The following P2RY12 variants were observed in gnomAD, a reference collection of about 807,000 sequenced individuals.
The protein encoded by P2RY12 is P2Y purinoceptor 12.
Under a neutral mutation model 4.5 loss-of-function variants are expected in P2RY12, and 3 were observed. The ratio of observed to expected loss-of-function variants is 0.67; its 90% confidence interval spans 0.31 to 1.74. P2RY12 has a LOEUF of 1.74. P2RY12 is among the 40% of genes most tolerant of loss of function. The probability of loss-of-function intolerance (pLI) is 0.09; values close to 1 mark genes in which losing one functional copy is unlikely to be tolerated. For synonymous variants in P2RY12, 148 were observed against 154.1 expected (o/e 0.96, Z 0.29); for missense variants, 356 against 407.8 (o/e 0.87, Z 1.09).
In P2RY12 at chr3:151,376,778, T is replaced by G. The variant is rs762449006; in HGVS notation, c.-180+7914A>C. ...AACACATTTGATACCCATAATGTTT[T>G]AATTCTTTCCATTTTTCCCAGAATC... On this transcript the variant is annotated intron_variant, in intron 1 of 2. Coordinates refer to ENST00000302632, the MANE Select transcript of P2RY12 (RefSeq NM_022788.5). The G allele has an allele frequency of 1.9e-6, 3 of 1,602,488 alleles. No homozygotes were observed. In the South Asian group the frequency reaches 3.3e-5, roughly 18 times the overall value.
At chr3:151,341,385 G>C (rs1380665706) in intron 1 of P2RY12, among the ~76,000 whole-genome samples, 21 of 151,950 alleles carry the variant, frequency 1.4e-4, no homozygotes, top group Admixed American at 1.4e-3. Flanking sequence ...TTCTTGAATA[G>C]AATTTAAATA....
intron 1 of P2RY12, among the ~76,000 whole-genome samples, chr3:151,379,038 G>T (rs147447196): frequency 6.6e-6 from 1 of 152,350 alleles, no homozygotes; most frequent in African/African-American, 2.4e-5. Flanking sequence ...ATAAAGCCTG[G>T]GTTTAAATCC....
At chr3:151,373,744 C>T (rs1344022075) in intron 1 of P2RY12, among the ~76,000 whole-genome samples, 1 of 152,112 alleles carries the variant, frequency 6.6e-6, no homozygotes, top group African/African-American at 2.4e-5. Context: ...TTCATCCTAT[C>T]ACATCATTTG....
At chr3:151,349,365 C>T (rs1250767126) in intron 1 of P2RY12, among the ~76,000 whole-genome samples, 1 of 152,184 alleles carries the variant, frequency 6.6e-6, no homozygotes, top group Non-Finnish European at 1.5e-5. Context: ...GTTTGCCTCA[C>T]ACCTAATGAC....
chr3:151,362,138 C>A (rs576427056), intron 1 of P2RY12, among the ~76,000 whole-genome samples: 5 of 151,974 alleles, frequency 3.3e-5, no homozygotes, highest in African/African-American at 1.2e-4. Context: ...CTCTCTTTAC[C>A]GCTGTGGATA....
rs1241850651 is a variant in P2RY12 at position 151,365,830 on chromosome 3, GTCT to G, written c.-180+18859_-180+18861del. 5 of 1,587,790 alleles carry G rather than the reference GTCT, an allele frequency of 3.1e-6. No individual in the cohort carries two copies. The East Asian group carries it at 6.7e-5, about 21-fold the overall frequency. ...TCTTTTGTACAAGGTTACTTTCTGT[GTCT>G]TCTTTTTCTTTTCTAGGATTAACGA... is the stretch of plus-strand genomic sequence containing the variant. On this transcript the variant is annotated intron_variant, in intron 1 of 2. Transcript: ENST00000302632.
At chr3:151,339,156 C>G (rs1751452352) in intron 2 of P2RY12, among the ~76,000 whole-genome samples, 1 of 152,078 alleles carries the variant, frequency 6.6e-6, no homozygotes, top group African/African-American at 2.4e-5. Context: ...AGAGCTCACT[C>G]ATATTTATAT....
In P2RY12 at chr3:151,342,774, A is replaced by G. The variant is rs550050020; in HGVS notation, c.-179-2014T>C. Among the ~76,000 whole-genome samples, 5 of 152,348 alleles carry G rather than the reference A, an allele frequency of 3.3e-5. No individual in the cohort carries two copies. In the South Asian group the frequency reaches 1.0e-3, roughly 32 times the overall value. ...AATATGACTATTGTAAACAAATCTT[A>G]GCCTTCCTTATTTGTTGGAGTCTCA... On this transcript the variant is annotated intron_variant, in intron 1 of 2. Transcript: ENST00000302632.
intron 1 of P2RY12, among the ~76,000 whole-genome samples, chr3:151,348,529 A>T (rs1439249423): frequency 2.0e-5 from 3 of 151,680 alleles, no homozygotes; most frequent in Non-Finnish European, 4.4e-5. Flanking sequence ...GGTACTCAGG[A>T]TATTAAATAA....
At position 151,338,173 on chromosome 3, in the gene P2RY12, C is replaced by A. The variant is rs767970539; in HGVS notation, c.673G>T (p.Gly225Cys). The change falls in exon 3 of 3, where the codon GGT becomes TGT. Residue 225 changes from glycine (G) to cysteine (C), a missense_variant. Coordinates refer to ENST00000302632, the MANE Select transcript of P2RY12 (RefSeq NM_022788.5). ...TTTTTCCTGGGGACTTTACCTACACCCCTCGTTCTTACGTATGACCGGTAC... is the reference window on the plus strand; with the variant it reads ...TTTTTCCTGGGGACTTTACCTACACACCTCGTTCTTACGTATGACCGGTAC... ...ELYRSYVRTR[G>C]VGKVPRKKVN... 5 of 1,613,790 alleles carry A rather than the reference C, an allele frequency of 3.1e-6. No individual in the cohort carries two copies. The Admixed American group carries it at 8.3e-5, about 27-fold the overall frequency.
chr3:151,344,016 C>G (rs927799075), intron 1 of P2RY12, among the ~76,000 whole-genome samples: 1 of 152,024 alleles, frequency 6.6e-6, no homozygotes, highest in African/African-American at 2.4e-5. Context: ...TTGGCTTTAT[C>G]CATTGGAATA....
intron 1 of P2RY12, among the ~76,000 whole-genome samples, chr3:151,368,674 CATGTCATTTCATTTT>C (rs1474427576): frequency 0.032 from 1,791 of 55,302 alleles, 59 homozygotes; most frequent in African/African-American, 0.11. Flanking sequence ...CATTTCATTT[CATGTCATTTCATTTT>C]ATTTCATTTC....
intron 1 of P2RY12, among the ~76,000 whole-genome samples, chr3:151,352,716 T>C (rs1317278663): frequency 6.6e-6 from 1 of 152,188 alleles, no homozygotes. Flanking sequence ...AAATAACATT[T>C]CCAGTTGAAT....
At chr3:151,344,393 T>C (rs1388728923) in intron 1 of P2RY12, among the ~76,000 whole-genome samples, 1 of 152,144 alleles carries the variant, frequency 6.6e-6, no homozygotes, top group Non-Finnish European at 1.5e-5. Flanking sequence ...CGAAGCTTAT[T>C]CCTGATGGAA....
intron 1 of P2RY12, chr3:151,368,139 C>T (rs1367938224): frequency 3.1e-6 from 5 of 1,611,940 alleles, no homozygotes; most frequent in East Asian, 2.2e-5. Context: ...TTTCCAATCC[C>T]CCTTTCCTAG....
intron 1 of P2RY12, 33 bp from the exon 2 acceptor site, chr3:151,340,793 C>T (rs973751491): frequency 3.3e-5 from 5 of 152,584 alleles, no homozygotes; most frequent in Non-Finnish European, 1.5e-5. Context: ...AAAAAGAGGG[C>T]TTCACAATCA....
chr3:151,354,824 A>G (rs1753711239), intron 1 of P2RY12, among the ~76,000 whole-genome samples: 1 of 152,200 alleles, frequency 6.6e-6, no homozygotes, highest in East Asian at 1.9e-4. Flanking sequence ...GAAAGCATAT[A>G]CTATATGATT....
intron 1 of P2RY12, chr3:151,368,326 C>G: frequency 7.7e-7 from 1 of 1,293,124 alleles, no homozygotes; most frequent in African/African-American, 1.5e-5. Context: ...AATAGGCTGT[C>G]CCTTTCTGTA....
In P2RY12 at chr3:151,348,776, A is replaced by T. The variant is rs1453962207; in HGVS notation, c.-179-8016T>A. On this transcript the variant is annotated intron_variant, in intron 1 of 2. Coordinates refer to ENST00000302632, the MANE Select transcript of P2RY12 (RefSeq NM_022788.5). ...CAAAGACTGAGAGCCAAGTAACAGA[A>T]TTGGAGAGAGAAAAACAGGCGCTTA... 2.0e-5 allele frequency among the ~76,000 whole-genome samples: 3 copies of T among 152,236 alleles called. No individual in the cohort carries two copies. In the East Asian group the frequency reaches 5.8e-4, roughly 29 times the overall value.
Sources: gnomAD v4.1 joint callset for allele counts (sites outside exome capture counted in the v4.1 genomes callset) on GRCh38, gnomAD v4.1.1 for gene constraint, MANE v1.5 for transcripts, NCBI Gene and HGNC (gene_info 2026-07-23, HGNC 2026-07-21) for gene names.